The following TEC variants were observed in gnomAD, a reference collection of about 807,000 sequenced individuals.
TEC encodes the protein tec protein tyrosine kinase.
A neutral mutation model predicts 93.0 loss-of-function variants in TEC; 72 were observed. That is an observed-to-expected ratio of 0.77 (90% CI 0.64 to 0.94). The LOEUF is 0.94. TEC is among the 40% of genes least tolerant of loss of function. The pLI is 0.00. For synonymous variants in TEC, 249 were observed against 247.7 expected (o/e 1.01, Z -0.05); for missense variants, 630 against 757.9 (o/e 0.83, Z 1.98).
At chr4:48,153,973 A>G (rs1720289926) in intron 9 of TEC, among the ~76,000 whole-genome samples, 1 of 152,242 alleles carries the variant, frequency 6.6e-6, no homozygotes, top group South Asian at 2.1e-4. Context: ...AAGAATTAAG[A>G]ATGAGGTAAA....
intron 13 of TEC, 39 bp downstream of exon 13, chr4:48,145,369 A>G: frequency 6.2e-7 from 1 of 1,613,052 alleles, no homozygotes; most frequent in South Asian, 1.1e-5. Flanking sequence ...GCCACTTCTT[A>G]ATACAAAAAG....
intron 15 of TEC, among the ~76,000 whole-genome samples, chr4:48,140,532 G>A (rs1200874314): frequency 1.3e-5 from 2 of 152,042 alleles, no homozygotes; most frequent in East Asian, 1.9e-4. Flanking sequence ...TATGTAAAGG[G>A]CCAGATAACA....
chr4:48,141,626 T>C, intron 14 of TEC: 1 of 514,902 alleles, frequency 1.9e-6, no homozygotes, highest in Non-Finnish European at 3.4e-6. Context: ...GAAAGTTGTA[T>C]TTGCAATAAG....
intron 2 of TEC, among the ~76,000 whole-genome samples, chr4:48,179,581 G>C (rs1007768293): frequency 6.6e-6 from 1 of 151,076 alleles, no homozygotes; most frequent in South Asian, 2.1e-4. Context: ...TAGAGACAGG[G>C]TTTCATCAGG....
chr4:48,164,561 A>ACACT (rs761689995), intron 7 of TEC, among the ~76,000 whole-genome samples: 10 of 152,126 alleles, frequency 6.6e-5, no homozygotes, highest in Non-Finnish European at 1.3e-4. Flanking sequence ...ATACACACAC[A>ACACT]CACACACAAA....
chr4:48,251,514 T>C (rs1724200777), intron 1 of TEC, among the ~76,000 whole-genome samples: 1 of 152,242 alleles, frequency 6.6e-6, no homozygotes, highest in Non-Finnish European at 1.5e-5. Flanking sequence ...TTCTTGATTA[T>C]GTGTTGTTTT....
intron 9 of TEC, among the ~76,000 whole-genome samples, chr4:48,152,558 A>G (rs1465965010): frequency 6.6e-6 from 1 of 152,202 alleles, no homozygotes; most frequent in Non-Finnish European, 1.5e-5. Flanking sequence ...TTAATCATCG[A>G]AACAGTCCTA....
At chr4:48,142,228 T>G (rs1198746525) in intron 14 of TEC, among the ~76,000 whole-genome samples, 3 of 152,166 alleles carry the variant, frequency 2.0e-5, no homozygotes, top group Non-Finnish European at 4.4e-5. Flanking sequence ...CCCAACATTT[T>G]GGGAGGCTAA....
intron 3 of TEC, 45 bp downstream of exon 3, chr4:48,176,037 T>C (rs771842449): frequency 2.8e-6 from 4 of 1,445,604 alleles, no homozygotes; most frequent in South Asian, 1.2e-5. Flanking sequence ...AGAGCAAACA[T>C]GACTAAGCCC....
intron 17 of TEC, among the ~76,000 whole-genome samples, chr4:48,137,934 C>T (rs945238556): frequency 6.6e-6 from 1 of 152,222 alleles, no homozygotes; most frequent in Non-Finnish European, 1.5e-5. Context: ...GCTGTTCTCT[C>T]TCCCTTTAGC....
chr4:48,236,677 C>T (rs1428813629), intron 1 of TEC, among the ~76,000 whole-genome samples: 5 of 152,170 alleles, frequency 3.3e-5, no homozygotes, highest in Admixed American at 6.5e-5. Context: ...TTTGCCTTGG[C>T]GGCTAACTGC....
intron 1 of TEC, among the ~76,000 whole-genome samples, chr4:48,265,176 T>C (rs997440051): frequency 3.3e-5 from 5 of 151,534 alleles, no homozygotes; most frequent in African/African-American, 9.7e-5. Context: ...CAGAAAGAAA[T>C]AGACACACAA....
At chr4:48,154,384 G>C (rs1720311358) in intron 9 of TEC, among the ~76,000 whole-genome samples, 1 of 152,126 alleles carries the variant, frequency 6.6e-6, no homozygotes, top group Admixed American at 6.6e-5. Flanking sequence ...TGCTTGACTT[G>C]CATGTGAGCT....
intron 2 of TEC, among the ~76,000 whole-genome samples, chr4:48,177,693 C>A (rs755685199): frequency 2.0e-5 from 3 of 152,192 alleles, no homozygotes; most frequent in Non-Finnish European, 4.4e-5. Context: ...GTGTCCCCAC[C>A]CAAATCTCAT....
chr4:48,183,994 C>T (rs1721701372), intron 2 of TEC, among the ~76,000 whole-genome samples: 1 of 152,100 alleles, frequency 6.6e-6, no homozygotes, highest in African/African-American at 2.4e-5. Context: ...AATGCTTTTA[C>T]CTGACTCCAG....
intron 1 of TEC, among the ~76,000 whole-genome samples, chr4:48,229,526 C>T (rs867225341): frequency 6.6e-6 from 1 of 152,236 alleles, no homozygotes; most frequent in South Asian, 2.1e-4. Context: ...CAGTGGCTCA[C>T]GCCTGTTATC....
chr4:48,253,100 T>C (rs1033846088), intron 1 of TEC, among the ~76,000 whole-genome samples: 2 of 151,758 alleles, frequency 1.3e-5, no homozygotes, highest in Admixed American at 1.3e-4. Flanking sequence ...CCCAGAGTTG[T>C]AGTCTATAAA....
Position 48,163,724 on chromosome 4 carries a change from A to G in TEC, c.715T>C (p.Ser239Pro), listed in dbSNP as rs757140518. The G allele has an allele frequency of 1.3e-6, 2 of 1,502,240 alleles. No homozygotes were observed. 93.1% of individuals were successfully genotyped at this position (1,502,240 alleles called of 1,614,324 possible). The change falls in exon 8 of 18, where the codon TCA (serine) becomes CCA (proline). Residue 239 changes from serine (S) to proline (P), a missense_variant. This residue lies in a region of TEC where 335 missense variants were observed against 351.5 expected (regional missense o/e 0.95). Transcript: ENST00000381501. ...IPSNYVTGKK[S>P]NNLDQYEWYC... ...TACTCATATTGATCTAAGTTGTTTG[A>G]TTTCTTTCCCGTTACGTAATTACTT...
intron 2 of TEC, among the ~76,000 whole-genome samples, chr4:48,213,846 T>C (rs1722988445): frequency 6.6e-6 from 1 of 152,142 alleles, no homozygotes; most frequent in Non-Finnish European, 1.5e-5. Context: ...ACGTAAACTC[T>C]TGGACAACAT....
Sources: allele counts gnomAD v4.1 joint callset (sites outside exome capture counted in the v4.1 genomes callset), GRCh38; gene constraint gnomAD v4.1.1; regional missense constraint gnomAD v4.1.1; transcripts MANE v1.5; gene names NCBI Gene and HGNC (gene_info 2026-07-23, HGNC 2026-07-21).